Variants in PLD1 observed in about 807,000 individuals in gnomAD.
PLD1 encodes choline phosphatase 1.
Under a neutral mutation model 137.1 loss-of-function variants are expected in PLD1, and 112 were observed. The ratio of observed to expected loss-of-function variants is 0.82; its 90% CI spans 0.70 to 0.96. The LOEUF is 0.96. PLD1 is among the 40% of genes least tolerant of loss of function. The pLI is 0.00. For synonymous variants in PLD1, 431 were observed against 454.7 expected (o/e 0.95, Z 0.66); for missense variants, 1,321 against 1,342.0 (o/e 0.98, Z 0.24).
intron 24 of PLD1, among the ~76,000 whole-genome samples, chr3:171,616,115 C>T (rs1342582903): frequency 6.6e-6 from 1 of 152,088 alleles, no homozygotes; most frequent in Non-Finnish European, 1.5e-5. Flanking sequence ...TGGGTATGTT[C>T]TTTTTGATGA....
At chr3:171,641,276 G>A (rs929501395) in intron 23 of PLD1, among the ~76,000 whole-genome samples, 1 of 152,172 alleles carries the variant, frequency 6.6e-6, no homozygotes, top group Non-Finnish European at 1.5e-5. Context: ...ACACTCCTTG[G>A]ATTGTTACAA....
intron 1 of PLD1, among the ~76,000 whole-genome samples, chr3:171,781,773 A>T (rs1433168113): frequency 2.6e-5 from 4 of 152,350 alleles, no homozygotes; most frequent in Admixed American, 1.3e-4. Context: ...CACAACTCTC[A>T]TTCACCATGG....
chr3:171,654,173 G>A, intron 21 of PLD1: 1 of 348,500 alleles, frequency 2.9e-6, no homozygotes, highest in East Asian at 1.0e-4. Flanking sequence ...TGTGGTGGCG[G>A]GTGCCTGTAA....
At chr3:171,693,907 G>A (rs886762600) in intron 12 of PLD1, among the ~76,000 whole-genome samples, 2 of 151,946 alleles carry the variant, frequency 1.3e-5, no homozygotes, top group African/African-American at 4.8e-5. Flanking sequence ...TACTTTACAA[G>A]AACTAAAACT....
intron 12 of PLD1, among the ~76,000 whole-genome samples, chr3:171,695,197 G>T (rs1715570801): frequency 1.3e-5 from 2 of 152,066 alleles, no homozygotes; most frequent in African/African-American, 4.8e-5. Flanking sequence ...CAAAATGTGG[G>T]AAATATTTCT....
chr3:171,693,709 C>A (rs983156467), intron 12 of PLD1, among the ~76,000 whole-genome samples: 1 of 151,718 alleles, frequency 6.6e-6, no homozygotes, highest in South Asian at 2.1e-4. Flanking sequence ...CATTTAATAT[C>A]GTAGAGATTA....
In PLD1 at chr3:171,737,651, G is replaced by T; in HGVS notation, c.169C>A (p.Pro57Thr). 3.2e-6 allele frequency: 5 copies of T among 1,541,794 alleles called. No homozygotes were observed. Among genetic ancestry groups the T allele is most frequent in the Non-Finnish European group, 4.4e-6 (5 of 1,126,790 alleles). ...SDPKIQEVYI[P>T]FSAIYNTQGF... ...TGAGTGTTATAAATAGCAGAGAAAG[G>T]GATATACACTAAAAAAAAAAGTAAA... The change falls in exon 3 of 27, where the codon CCT (proline) becomes ACT (threonine). Residue 57 changes from proline to threonine, a missense_variant. Pro to Thr is a conservative substitution (Grantham distance 38). Transcript: ENST00000351298.
chr3:171,640,008 A>C (rs1735608590), intron 23 of PLD1, among the ~76,000 whole-genome samples: 1 of 151,538 alleles, frequency 6.6e-6, no homozygotes, highest in Non-Finnish European at 1.5e-5. Flanking sequence ...AGTCAGTAGT[A>C]ATGTCCCCTC....
Position 171,709,659 on chromosome 3 carries a change from C to T in PLD1, c.962G>A (p.Gly321Glu), listed in dbSNP as rs753553330. 9.3e-6 allele frequency: 15 copies of T among 1,613,640 alleles called. No homozygotes were observed. The Admixed American group carries it at 2.5e-4, about 27-fold the overall frequency. The change falls in exon 10 of 27, where the codon GGG becomes GAG. Residue 321 changes from glycine (G) to glutamate (E), a missense_variant. Transcript: ENST00000351298. ...NSYRHARWWG[G>E]AIEEFIQKHG... is the part of the protein sequence containing the mutation. Reference sequence around the variant, plus strand: ...TTTCTGGATGAATTCTTCTATAGCCCCTCCCCACCACCGAGCATGTCTATA... The same window carrying T: ...TTTCTGGATGAATTCTTCTATAGCCTCTCCCCACCACCGAGCATGTCTATA...
chr3:171,611,669 C>G (rs765238067), intron 25 of PLD1: 1 of 518,430 alleles, frequency 1.9e-6, no homozygotes, highest in Non-Finnish European at 3.9e-6. Flanking sequence ...AAATTTTACA[C>G]CAGCAGTCAC....
At position 171,686,736 on chromosome 3, in the gene PLD1, G is replaced by T; in HGVS notation, c.1816C>A (p.Leu606Ile). ...TCAGACTCACTGGACGGGTGAAAGA[G>T]TTTGAAGTGGGGTTTTAAACCATGG... ...LIHGLKPHFK[L>I]FHPSSESEQG... Residue 606 changes from leucine to isoleucine, a missense_variant, in exon 16 of 27, where the codon CTC (leucine) becomes ATC (isoleucine). Leu to Ile is a conservative substitution (Grantham distance 5). Coordinates refer to ENST00000351298, the MANE Select transcript of PLD1 (RefSeq NM_002662.5). 6.2e-7 allele frequency: 1 copy of T among 1,609,886 alleles called. No individual in the cohort carries two copies. The highest frequency in any genetic ancestry group is 8.5e-7 in the Non-Finnish European group (1 of 1,176,226).
rs183810808 is a variant in PLD1, at chr3:171,718,218, C to T, written c.759-4173G>A. Among the ~76,000 whole-genome samples, 4 of 152,270 alleles carry T rather than the reference C, an allele frequency of 2.6e-5. 1 individual carries two copies. The highest frequency in any genetic ancestry group is 9.6e-5 in the African/African-American group (4 of 41,564). ...AAAATCTACAAGAAACAGATAAATT[C>T]CCAGACACATACATCCCCCTCAAGA... On this transcript the variant is annotated intron_variant, in intron 8 of 26. Coordinates refer to ENST00000351298, the MANE Select transcript of PLD1 (RefSeq NM_002662.5).
intron 1 of PLD1, among the ~76,000 whole-genome samples, chr3:171,770,336 G>A (rs1722257035): frequency 6.6e-6 from 1 of 152,092 alleles, no homozygotes; most frequent in Admixed American, 6.5e-5. Flanking sequence ...GTATTTTGAG[G>A]CATTCCAGAA....
chr3:171,777,257 G>A (rs1263208702), intron 1 of PLD1, among the ~76,000 whole-genome samples: 7 of 152,318 alleles, frequency 4.6e-5, no homozygotes, highest in South Asian at 4.1e-4. Flanking sequence ...AAATTGTTGT[G>A]TGTGAAAAGA....
intron 8 of PLD1, among the ~76,000 whole-genome samples, chr3:171,720,614 A>G (rs1278990220): frequency 6.6e-6 from 1 of 151,980 alleles, no homozygotes; most frequent in African/African-American, 2.4e-5. Context: ...ACTGTGAGAA[A>G]CTTTCTAAAT....
chr3:171,723,615 C>T (rs1718298736), intron 8 of PLD1, among the ~76,000 whole-genome samples: 1 of 152,140 alleles, frequency 6.6e-6, no homozygotes, highest in African/African-American at 2.4e-5. Flanking sequence ...CCCTTTTCTC[C>T]ACATCCTCAC....
chr3:171,683,611 C>T (rs965946004), intron 16 of PLD1, among the ~76,000 whole-genome samples: 2 of 152,132 alleles, frequency 1.3e-5, no homozygotes, highest in East Asian at 1.9e-4. Context: ...ATGTATTCTC[C>T]GATGAGCCTT....
At chr3:171,711,266 G>T (rs1376517288) in intron 9 of PLD1, among the ~76,000 whole-genome samples, 2 of 149,318 alleles carry the variant, frequency 1.3e-5, no homozygotes, top group African/African-American at 5.0e-5. Context: ...CGCCTCCTGG[G>T]TTCAAGCGAT....
intron 8 of PLD1, among the ~76,000 whole-genome samples, chr3:171,723,475 T>G (rs1718286492): frequency 6.6e-6 from 1 of 152,232 alleles, no homozygotes; most frequent in South Asian, 2.1e-4. Context: ...TTCCTTCTTT[T>G]GGGTATATAC....
Sources: allele counts gnomAD v4.1 joint callset (sites outside exome capture counted in the v4.1 genomes callset), GRCh38; gene constraint gnomAD v4.1.1; transcripts MANE v1.5; gene names NCBI Gene and HGNC (gene_info 2026-07-23, HGNC 2026-07-21).